The following NEBL variants were observed in gnomAD, a reference collection of about 807,000 sequenced individuals.
NEBL encodes nebulette.
Under a neutral mutation model 140.2 loss-of-function variants are expected in NEBL, and 122 were observed. The observed-to-expected ratio is 0.87, with a 90% CI of 0.75 to 1.01. The LOEUF is 1.01. NEBL is among the 50% of genes least tolerant of loss of function. The probability of loss-of-function intolerance (pLI) is 0.00; values close to 1 mark genes in which losing one functional copy is unlikely to be tolerated. For missense variants in NEBL, 1,365 were observed against 1,231.3 expected (o/e 1.11, Z -1.62); for synonymous variants, 436 against 398.9 (o/e 1.09, Z -1.11).
intron 2 of NEBL, among the ~76,000 whole-genome samples, chr10:20,895,510 G>A (rs1322176625): frequency 6.6e-6 from 1 of 152,096 alleles, no homozygotes; most frequent in Non-Finnish European, 1.5e-5. Context: ...AAAGCCTAGC[G>A]CCTACCTCGC....
chr10:20,976,459 C>T (rs1423829165), intron 3 of NEBL, among the ~76,000 whole-genome samples: 1 of 151,798 alleles, frequency 6.6e-6, no homozygotes, highest in Non-Finnish European at 1.5e-5. Context: ...ACCAAAAAGA[C>T]AACTGCACTT....
chr10:21,126,179 G>GA lies in NEBL; in HGVS notation c.164+46203dup, dbSNP rs547945606. The GA allele has an allele frequency of 2.1e-4, 318 of 1,517,220 alleles. 1 individual carries two copies. The highest frequency in any genetic ancestry group is 2.0e-3 in the South Asian group (166 of 83,324). 94.0% of individuals were successfully genotyped at this position (1,517,220 alleles called of 1,614,324 possible). A position where few individuals can be genotyped will look rare whatever the true frequency, so the allele number is the denominator to read the frequency against. On this transcript the variant is annotated intron_variant, in intron 2 of 6. Coordinates refer to the NEBL transcript ENST00000417816. Reference sequence around the variant, plus strand: ...CAAGCCTGGTACCCCCCATAGAAAGGAAAAAAAATACCACATTTGGAATAA... The same window carrying GA: ...CAAGCCTGGTACCCCCCATAGAAAGGAAAAAAAAATACCACATTTGGAATAA...
chr10:21,086,417 T>C (rs1400701503), intron 2 of NEBL, among the ~76,000 whole-genome samples: 1 of 152,190 alleles, frequency 6.6e-6, no homozygotes, highest in Non-Finnish European at 1.5e-5. Context: ...AACATAAAAG[T>C]TATTCTTTAA....
upstream of NEBL, among the ~76,000 whole-genome samples, chr10:21,177,880 A>G (rs1457227345): frequency 6.6e-6 from 1 of 152,124 alleles, no homozygotes; most frequent in Non-Finnish European, 1.5e-5. Context: ...GTGGCCAATA[A>G]AGTATAGAGC....
intron 3 of NEBL, among the ~76,000 whole-genome samples, chr10:20,889,506 G>C (rs1846832698): frequency 6.6e-6 from 1 of 151,926 alleles, no homozygotes; most frequent in East Asian, 1.9e-4. Flanking sequence ...ATATCTATTA[G>C]GAAACAAAAT....
intron 3 of NEBL, among the ~76,000 whole-genome samples, chr10:20,998,929 G>T (rs558650112): frequency 1.8e-4 from 27 of 152,214 alleles, no homozygotes; most frequent in Admixed American, 1.8e-3. Flanking sequence ...CAAGTTCTGG[G>T]GGCCGCCAAC....
At chr10:21,090,483 A>G (rs940538588) in intron 2 of NEBL, among the ~76,000 whole-genome samples, 2 of 152,188 alleles carry the variant, frequency 1.3e-5, no homozygotes, top group African/African-American at 2.4e-5. Flanking sequence ...AGGTTATATG[A>G]AAACACTTTG....
intron 26 of NEBL, among the ~76,000 whole-genome samples, chr10:20,802,864 G>T (rs2130720466): frequency 6.6e-6 from 1 of 152,078 alleles, no homozygotes; most frequent in South Asian, 2.1e-4. Flanking sequence ...AGAAAAGAAA[G>T]AAAAAAAGTT....
At chr10:20,992,845 T>G (rs1837519602) in intron 3 of NEBL, among the ~76,000 whole-genome samples, 1 of 136,242 alleles carries the variant, frequency 7.3e-6, no homozygotes, top group Non-Finnish European at 1.5e-5. Flanking sequence ...TGGTGTGATC[T>G]CTGCTCACTG....
At chr10:21,204,445 C>T (rs528893404) in intron 3 of NEBL, among the ~76,000 whole-genome samples, 52 of 152,112 alleles carry the variant, frequency 3.4e-4, no homozygotes, top group African/African-American at 1.2e-3. Context: ...CTTTCTTTCT[C>T]TCTCTCTCTC....
At chr10:21,085,672 T>C (rs191175464) in intron 2 of NEBL, among the ~76,000 whole-genome samples, 150 of 152,194 alleles carry the variant, frequency 9.9e-4, no homozygotes, top group Admixed American at 2.5e-3. Flanking sequence ...AAACAACATA[T>C]ATACAAAAGC....
intron 2 of NEBL, among the ~76,000 whole-genome samples, chr10:21,139,700 A>G (rs1041842397): frequency 1.3e-4 from 19 of 151,974 alleles, no homozygotes; most frequent in African/African-American, 4.1e-4. Context: ...CCTCAACCCA[A>G]CTCCCATTAT....
chr10:20,881,088 T>C (rs550784687), intron 4 of NEBL, among the ~76,000 whole-genome samples, 184 bp from the exon 5 acceptor site: 8 of 152,344 alleles, frequency 5.3e-5, no homozygotes, highest in Middle Eastern at 3.4e-3. Context: ...AGATTCCTAA[T>C]TCTACCTCTT....
intron 3 of NEBL, among the ~76,000 whole-genome samples, chr10:21,000,533 C>A (rs560713133): frequency 3.3e-5 from 5 of 152,054 alleles, no homozygotes; most frequent in Admixed American, 2.6e-4. Context: ...GCCACCCATT[C>A]CCAGGTAAAT....
chr10:21,028,628 A>T (rs2131798199), intron 2 of NEBL, among the ~76,000 whole-genome samples: 1 of 152,360 alleles, frequency 6.6e-6, no homozygotes, highest in African/African-American at 2.4e-5. Context: ...TTAGAATATT[A>T]TTGAATTTTA....
intron 2 of NEBL, among the ~76,000 whole-genome samples, chr10:21,124,317 A>C (rs894911216): frequency 2.6e-5 from 4 of 152,246 alleles, no homozygotes; most frequent in African/African-American, 9.6e-5. Flanking sequence ...GAAAAGATCA[A>C]TAAATTATGA....
upstream of NEBL, chr10:21,174,799 G>A (rs562148975): frequency 5.2e-5 from 8 of 152,396 alleles, no homozygotes; most frequent in South Asian, 4.1e-4. Context: ...ATGAGAAAGA[G>A]CCTTCTCTCA....
intron 2 of NEBL, chr10:21,112,894 A>G: frequency 2.8e-6 from 1 of 360,656 alleles, no homozygotes. Flanking sequence ...TCTGTGGAGG[A>G]AGATGCAGAG....
At chr10:20,943,072 A>T (rs1834969292) in intron 4 of NEBL, among the ~76,000 whole-genome samples, 2 of 152,236 alleles carry the variant, frequency 1.3e-5, no homozygotes, top group Admixed American at 1.3e-4. Flanking sequence ...CATTTGACCC[A>T]GCCATCCCAT....
Sources: allele counts gnomAD v4.1 joint callset (sites outside exome capture counted in the v4.1 genomes callset), GRCh38; gene constraint gnomAD v4.1.1; transcripts MANE v1.5; gene names NCBI Gene and HGNC (gene_info 2026-07-23, HGNC 2026-07-21).